SORD: variants seen among roughly 807,000 people sequenced by gnomAD.
SORD encodes the protein (R,R)-butanediol dehydrogenase.
Under a neutral mutation model 35.6 loss-of-function variants are expected in SORD, and 18 were observed. The ratio of observed to expected loss-of-function variants is 0.51; its 90% CI spans 0.35 to 0.75. SORD has a LOEUF of 0.75. Ranked by LOEUF, SORD falls within the 30% of genes least tolerant of loss-of-function variation. SORD has a pLI of 0.01. For synonymous variants in SORD, 106 were observed against 152.9 expected (o/e 0.69, Z 2.26); for missense variants, 250 against 390.2 (o/e 0.64, Z 3.03).
intron 1 of SORD, among the ~76,000 whole-genome samples, chr15:45,035,255 C>T (rs1308022191): frequency 6.6e-6 from 1 of 152,200 alleles, no homozygotes; most frequent in Non-Finnish European, 1.5e-5. Flanking sequence ...GCTCCACCTG[C>T]AGCCCCAGTG....
chr15:45,034,080 G>A (rs2141265273), intron 1 of SORD, among the ~76,000 whole-genome samples: 1 of 152,140 alleles, frequency 6.6e-6, no homozygotes, highest in African/African-American at 2.4e-5. Context: ...GGACAAGATT[G>A]TCCAGGGTTG....
chr15:45,061,036 G>C (rs772210951), intron 3 of SORD, 31 bp from the exon 4 acceptor site: 2 of 1,613,592 alleles, frequency 1.2e-6, no homozygotes, highest in Non-Finnish European at 1.7e-6. Context: ...CCCACCCTCG[G>C]ACATGGTGCC....
intron 3 of SORD, among the ~76,000 whole-genome samples, chr15:45,045,638 C>T (rs1004943382): frequency 6.6e-6 from 1 of 151,032 alleles, no homozygotes; most frequent in African/African-American, 2.4e-5. Context: ...CTGTGCTACT[C>T]AGAGCAGAGG....
intron 3 of SORD, among the ~76,000 whole-genome samples, chr15:45,060,828 G>A (rs547122711): frequency 6.6e-6 from 1 of 152,284 alleles, no homozygotes; most frequent in East Asian, 1.9e-4. Context: ...TTCCCCCAGA[G>A]TGACTCTGTG....
chr15:45,027,045 G>A (rs1220674174), intron 1 of SORD, among the ~76,000 whole-genome samples: 1 of 152,262 alleles, frequency 6.6e-6, no homozygotes, highest in Non-Finnish European at 1.5e-5. Context: ...CCACAGCAAG[G>A]AGGAGCATTT....
chr15:45,058,869 G>T (rs1353725994), intron 3 of SORD, among the ~76,000 whole-genome samples: 8 of 152,170 alleles, frequency 5.3e-5, no homozygotes, highest in Non-Finnish European at 1.0e-4. Context: ...TATTTGTGCA[G>T]CTGCAAGCAT....
chr15:45,025,770 G>C (rs1319055061), intron 1 of SORD, among the ~76,000 whole-genome samples: 1 of 152,208 alleles, frequency 6.6e-6, no homozygotes, highest in African/African-American at 2.4e-5. Flanking sequence ...CTACTGAGCA[G>C]TACTGCACTG....
At chr15:45,038,529 G>A (rs1892911419) in intron 1 of SORD, among the ~76,000 whole-genome samples, 2 of 152,088 alleles carry the variant, frequency 1.3e-5, no homozygotes, top group Admixed American at 1.3e-4. Flanking sequence ...CAACAGAAAG[G>A]GCTCGTAACT....
chr15:45,064,653 T>C (rs9972465), intron 4 of SORD, among the ~76,000 whole-genome samples: 9,843 of 152,160 alleles, frequency 0.065, 1,037 homozygotes, highest in African/African-American at 0.22. Flanking sequence ...ATGTATAATA[T>C]GGGAGGCGAC....
intron 5 of SORD, among the ~76,000 whole-genome samples, chr15:45,065,978 C>A (rs569628026): frequency 6.6e-6 from 1 of 151,734 alleles, no homozygotes; most frequent in African/African-American, 2.4e-5. Flanking sequence ...CTGGGCCAGG[C>A]GGGGTAGCTC....
chr15:45,070,789 G>A (rs1893499283), intron 7 of SORD: 2 of 152,214 alleles, frequency 1.3e-5, no homozygotes, highest in African/African-American at 4.8e-5. Flanking sequence ...GGCAGTATAA[G>A]CTGGGGGACT....
At chr15:45,065,650 T>C (rs1371020841) in intron 5 of SORD, among the ~76,000 whole-genome samples, 1 of 152,338 alleles carries the variant, frequency 6.6e-6, no homozygotes, top group East Asian at 1.9e-4. Context: ...CTGGGCACAG[T>C]GGCTCCTGCC....
At chr15:45,055,790 C>T (rs1893204976) in intron 3 of SORD, among the ~76,000 whole-genome samples, 1 of 152,142 alleles carries the variant, frequency 6.6e-6, no homozygotes, top group Admixed American at 6.6e-5. Flanking sequence ...ACTTATCCAC[C>T]ATGATCAAGT....
At chr15:45,044,058 T>C (rs1436131393) in intron 3 of SORD, among the ~76,000 whole-genome samples, 3 of 152,266 alleles carry the variant, frequency 2.0e-5, no homozygotes, top group African/African-American at 7.2e-5. Flanking sequence ...GGAGGCCCCA[T>C]CCTGTGTTAG....
At chr15:45,062,423 C>G (rs1306541354) in intron 4 of SORD, among the ~76,000 whole-genome samples, 2 of 152,190 alleles carry the variant, frequency 1.3e-5, no homozygotes, top group African/African-American at 4.8e-5. Flanking sequence ...GTGCCGCTTT[C>G]CCCCTGACCC....
intron 3 of SORD, 87 bp from the exon 4 acceptor site, chr15:45,060,980 A>C (rs1342650435): frequency 6.3e-7 from 1 of 1,576,466 alleles, no homozygotes; most frequent in African/African-American, 1.3e-5. Flanking sequence ...CTGTTTTCAA[A>C]GGTTGGAAAA....
At chr15:45,063,363 C>T (rs1298162581) in intron 4 of SORD, among the ~76,000 whole-genome samples, 1 of 152,060 alleles carries the variant, frequency 6.6e-6, no homozygotes, top group Non-Finnish European at 1.5e-5. Context: ...TGCCTCATCA[C>T]TCTCTGGTGT....
intron 8 of SORD, among the ~76,000 whole-genome samples, chr15:45,072,948 A>C (rs1893535832): frequency 7.4e-6 from 1 of 134,990 alleles, no homozygotes; most frequent in African/African-American, 3.6e-5. Context: ...AGTGTCCCTT[A>C]CTCCTGGCTT....
chr15:45,051,202 T>TGTG (rs1893118407), intron 3 of SORD, among the ~76,000 whole-genome samples: 2 of 152,310 alleles, frequency 1.3e-5, no homozygotes, highest in African/African-American at 4.8e-5. Flanking sequence ...TGGTTATCTC[T>TGTG]GTGGTTTACA....
Sources: gnomAD v4.1 joint callset for allele counts (sites outside exome capture counted in the v4.1 genomes callset) on GRCh38, gnomAD v4.1.1 for gene constraint, MANE v1.5 for transcripts, NCBI Gene and HGNC (gene_info 2026-07-23, HGNC 2026-07-21) for gene names.